The following PHKB variants were observed in gnomAD, a reference collection of about 807,000 sequenced individuals.
PHKB encodes the protein phosphorylase b kinase regulatory subunit beta.
In PHKB, 122 loss-of-function variants were observed where a neutral mutation model predicts 152.1. That is an observed-to-expected ratio of 0.80 (90% confidence interval 0.69 to 0.93). The LOEUF is 0.93. PHKB is among the 40% of genes least tolerant of loss of function. The probability of loss-of-function intolerance (pLI) is 0.00; values close to 1 mark genes in which losing one functional copy is unlikely to be tolerated. For missense variants in PHKB, 1,304 were observed against 1,328.4 expected (o/e 0.98, Z 0.29); for synonymous variants, 436 against 464.9 (o/e 0.94, Z 0.80).
At position 47,682,868 on chromosome 16, in the gene PHKB, T is replaced by C. The variant is rs143365621; in HGVS notation, c.2631-6173T>C. ...TTTTTAGAGTTTCCAGTTTTTCTGC[T>C]CCATTTTTTTCCCCATCTTTGTGGT... On this transcript the variant is annotated intron_variant, in intron 26 of 30. Transcript: ENST00000323584. Among the ~76,000 whole-genome samples, 1,165 of 152,316 alleles carry C rather than the reference T, an allele frequency of 7.6e-3. 23 individuals are homozygous for C. Among genetic ancestry groups the C allele is most frequent in the South Asian group, 0.055 (267 of 4,826 alleles).
rs760525255 is a variant in PHKB at position 47,660,493 on chromosome 16, G to C, written c.1972-13G>C. ...TATCTAAGAGTTTCTAATCTTTTTC[G>C]ATCACGTTTCAGACACTAATATCTG... On this transcript the variant is annotated splice_polypyrimidine_tract_variant and intron_variant, in intron 20 of 30. Transcript: ENST00000323584. 1 of 1,609,020 alleles carries C rather than the reference G, an allele frequency of 6.2e-7. No homozygotes were observed. Among genetic ancestry groups the C allele is most frequent in the African/African-American group, 1.3e-5 (1 of 74,894 alleles).
intron 1 of PHKB, among the ~76,000 whole-genome samples, chr16:47,472,748 C>T (rs954368824): frequency 6.6e-6 from 1 of 151,994 alleles, no homozygotes. Flanking sequence ...TGCCACTGCA[C>T]TCCAGCCTGG....
chr16:47,515,157 C>T (rs914165974), intron 5 of PHKB, among the ~76,000 whole-genome samples: 6 of 152,128 alleles, frequency 3.9e-5, no homozygotes, highest in Admixed American at 6.6e-5. Flanking sequence ...AGTAGAAGTA[C>T]TTTAGACCCA....
intron 6 of PHKB, among the ~76,000 whole-genome samples, chr16:47,532,338 A>G (rs996022563): frequency 1.3e-5 from 2 of 152,202 alleles, no homozygotes; most frequent in Non-Finnish European, 2.9e-5. Flanking sequence ...TTTAGATGAT[A>G]CCCTAGTGTT....
intron 1 of PHKB, among the ~76,000 whole-genome samples, chr16:47,471,490 A>T (rs1969767056): frequency 6.6e-6 from 1 of 152,210 alleles, no homozygotes; most frequent in African/African-American, 2.4e-5. Flanking sequence ...TCATGGCCGA[A>T]GCTGTGTGTC....
At chr16:47,593,227 A>AGGAG (rs1218167949) in intron 10 of PHKB, among the ~76,000 whole-genome samples, 1 of 104,100 alleles carries the variant, frequency 9.6e-6, no homozygotes, top group Non-Finnish European at 1.9e-5. Flanking sequence ...GAAAGAGGGA[A>AGGAG]GGAGGGAGGG....
chr16:47,655,652 C>T (rs902375305), intron 20 of PHKB, among the ~76,000 whole-genome samples: 2 of 152,148 alleles, frequency 1.3e-5, no homozygotes, highest in African/African-American at 2.4e-5. Flanking sequence ...CCTTTTTAAT[C>T]CTGTGTCATC....
chr16:47,555,339 C>A (rs1971350152), intron 7 of PHKB, among the ~76,000 whole-genome samples: 1 of 152,162 alleles, frequency 6.6e-6, no homozygotes, highest in African/African-American at 2.4e-5. Flanking sequence ...GGATTTAAAA[C>A]AGTGTTAATG....
chr16:47,522,373 A>AGAT (rs1429340094), intron 6 of PHKB, among the ~76,000 whole-genome samples: 2 of 151,930 alleles, frequency 1.3e-5, no homozygotes, highest in African/African-American at 4.8e-5. Context: ...TATTTCTCTA[A>AGAT]GATTGATGTT....
chr16:47,599,887 T>G (rs1166305461), intron 13 of PHKB, among the ~76,000 whole-genome samples: 1 of 152,230 alleles, frequency 6.6e-6, no homozygotes, highest in Non-Finnish European at 1.5e-5. Context: ...CTCTTAACTG[T>G]TGTATACTAG....
At chr16:47,563,765 T>G (rs1971516113) in intron 7 of PHKB, among the ~76,000 whole-genome samples, 1 of 152,146 alleles carries the variant, frequency 6.6e-6, no homozygotes, top group South Asian at 2.1e-4. Context: ...ACCCAAATAA[T>G]GTACATTGTA....
chr16:47,484,252 A>G lies in PHKB; in HGVS notation c.77-13147A>G, dbSNP rs560444098. On this transcript the variant is annotated intron_variant, in intron 1 of 30. Transcript: ENST00000323584. ...ACCTTTTTATTAAAAATAAAATGGG[A>G]ATGGTGGAATGGGCTTTTCACATAT... Among the ~76,000 whole-genome samples, 14 of 152,324 alleles carry G rather than the reference A, an allele frequency of 9.2e-5. No homozygotes were observed. The East Asian group carries it at 2.7e-3, about 29-fold the overall frequency.
At chr16:47,666,021 C>A in intron 25 of PHKB, 1 of 1,607,224 alleles carries the variant, frequency 6.2e-7, no homozygotes, top group Non-Finnish European at 8.5e-7. Context: ...TGTTTTAGTG[C>A]AGGGCAAACA....
At chr16:47,539,287 G>A (rs1234146245) in intron 6 of PHKB, among the ~76,000 whole-genome samples, 1 of 152,144 alleles carries the variant, frequency 6.6e-6, no homozygotes, top group East Asian at 1.9e-4. Flanking sequence ...AGGAAGATTG[G>A]ATTTCAGGAT....
At chr16:47,584,744 G>A (rs1971907264) in intron 8 of PHKB, among the ~76,000 whole-genome samples, 2 of 152,146 alleles carry the variant, frequency 1.3e-5, no homozygotes, top group African/African-American at 4.8e-5. Context: ...GTGTGGTTTT[G>A]TTCCAGAATA....
rs983353462 is a variant in PHKB at position 47,587,543 on chromosome 16, C to G, written c.775-125C>G. ...AAAGTACAAACAAAATTTAAATCTT[C>G]TGGAACTCCACACTCAAGATGCAGA... On this transcript the variant is annotated intron_variant, in intron 8 of 30. Coordinates refer to ENST00000323584, the MANE Select transcript of PHKB (RefSeq NM_000293.3). 2.1e-5 allele frequency: 14 copies of G among 670,614 alleles called. No homozygotes were observed. In the Admixed American group the frequency reaches 3.4e-4, roughly 16 times the overall value. The allele number at this position is 670,614 out of a possible 1,614,324, so 41.5% of individuals were successfully genotyped here.
At chr16:47,587,925 G>A (rs1971962317) in intron 9 of PHKB, among the ~76,000 whole-genome samples, 162 bp downstream of exon 9, 1 of 152,186 alleles carries the variant, frequency 6.6e-6, no homozygotes, top group Admixed American at 6.5e-5. Context: ...GCCTGGGGAG[G>A]TCTTAGCAAG....
chr16:47,500,372 G>A (rs1970305229), intron 3 of PHKB, among the ~76,000 whole-genome samples: 1 of 152,046 alleles, frequency 6.6e-6, no homozygotes, highest in Non-Finnish European at 1.5e-5. Flanking sequence ...TATCAGACCA[G>A]TTCTAAGATT....
intron 1 of PHKB, among the ~76,000 whole-genome samples, chr16:47,480,949 A>G (rs902674640): frequency 5.9e-5 from 9 of 152,214 alleles, no homozygotes; most frequent in Admixed American, 3.3e-4. Flanking sequence ...AATGCCTATT[A>G]TAGCTTTCCA....
Sources: gnomAD v4.1 joint callset for allele counts (sites outside exome capture counted in the v4.1 genomes callset) on GRCh38, gnomAD v4.1.1 for gene constraint, MANE v1.5 for transcripts, NCBI Gene and HGNC (gene_info 2026-07-23, HGNC 2026-07-21) for gene names.